SPOCK3: variants seen among roughly 807,000 people sequenced by gnomAD.
SPOCK3 encodes the protein testican-3.
Under a neutral mutation model 56.6 loss-of-function variants are expected in SPOCK3, and 30 were observed. The ratio of observed to expected loss-of-function variants is 0.53; its 90% CI spans 0.40 to 0.72. SPOCK3 has a LOEUF of 0.72. Among genes scored for constraint, SPOCK3 ranks in the 30% least tolerant of loss-of-function variants. SPOCK3 has a pLI of 0.00. For missense variants in SPOCK3, 527 were observed against 530.0 expected, an observed-to-expected ratio of 0.99 and a Z score of 0.06; for synonymous variants, 196 against 183.3, an observed-to-expected ratio of 1.07 and a Z score of -0.56.
intron 4 of SPOCK3, among the ~76,000 whole-genome samples, chr4:166,930,927 A>G (rs1739669204): frequency 6.6e-6 from 1 of 152,138 alleles, no homozygotes; most frequent in South Asian, 2.1e-4. Flanking sequence ...GGGCTATTTT[A>G]GGGGTTTCAT....
rs1744478706 is a variant in SPOCK3 at position 166,964,418 on chromosome 4, T to A, written c.350+35931A>T. On this transcript the variant is annotated intron_variant, in intron 4 of 10. Coordinates refer to ENST00000357545, the MANE Select transcript of SPOCK3 (RefSeq NM_001040159.2). The stretch of plus-strand genomic sequence containing the variant: ...AAGTCTCAACCATATTGTTATTGAT[T>A]TATATGAAATATTTTCTAGGTCCTT... Among the ~76,000 whole-genome samples the A allele has an allele frequency of 2.0e-5, 3 of 151,788 alleles. No homozygotes were observed. In the South Asian group the frequency reaches 6.2e-4, roughly 31 times the overall value.
At chr4:166,887,860 G>GA (rs71604450) in intron 6 of SPOCK3, among the ~76,000 whole-genome samples, 81,380 of 139,920 alleles carry the variant, frequency 0.58, 23,303 homozygotes, top group South Asian at 0.67. Context: ...ATAACTTATG[G>GA]AAAAAAAAAA....
At chr4:166,849,039 T>C (rs1462972182) in intron 6 of SPOCK3, among the ~76,000 whole-genome samples, 1 of 152,128 alleles carries the variant, frequency 6.6e-6, no homozygotes, top group Non-Finnish European at 1.5e-5. Context: ...TTGTTGTTTT[T>C]TAATTTCACA....
intron 3 of SPOCK3, among the ~76,000 whole-genome samples, chr4:167,033,128 T>C (rs1286187670): frequency 3.3e-5 from 5 of 151,906 alleles, no homozygotes; most frequent in Non-Finnish European, 7.4e-5. Flanking sequence ...ATCATCATTA[T>C]CATAAACATT....
chr4:166,885,017 A>C (rs1020570727), intron 6 of SPOCK3, among the ~76,000 whole-genome samples: 2 of 152,122 alleles, frequency 1.3e-5, no homozygotes, highest in Non-Finnish European at 2.9e-5. Flanking sequence ...ATTTTTAAAA[A>C]TGCAGATGAG....
At chr4:167,204,938 C>T (rs1733884794) in intron 2 of SPOCK3, among the ~76,000 whole-genome samples, 1 of 149,384 alleles carries the variant, frequency 6.7e-6, no homozygotes. Context: ...CAATCCTCCT[C>T]CCTCAGCCTC....
At chr4:167,072,763 C>T (rs925406752) in intron 2 of SPOCK3, among the ~76,000 whole-genome samples, 48 of 151,698 alleles carry the variant, frequency 3.2e-4, no homozygotes, top group African/African-American at 7.7e-4. Context: ...AAAGTAATCA[C>T]GATATGTATT....
chr4:167,100,395 GTCTGTC>G (rs919819015), intron 2 of SPOCK3, among the ~76,000 whole-genome samples: 58 of 150,058 alleles, frequency 3.9e-4, no homozygotes, highest in Non-Finnish European at 6.7e-4. Context: ...TCCTTTCTGT[GTCTGTC>G]TCTGTCTCTC....
intron 2 of SPOCK3, among the ~76,000 whole-genome samples, chr4:167,150,884 C>T (rs1277288373): frequency 6.6e-6 from 1 of 152,090 alleles, no homozygotes; most frequent in Non-Finnish European, 1.5e-5. Context: ...AGAGAGTCAC[C>T]AATATGAATG....
intron 6 of SPOCK3, among the ~76,000 whole-genome samples, chr4:166,860,502 G>A (rs548593843): frequency 8.5e-5 from 13 of 152,060 alleles, no homozygotes; most frequent in African/African-American, 3.1e-4. Flanking sequence ...TATTATAAAT[G>A]TTTAAGTGCT....
At chr4:166,926,931 T>C (rs1222025459) in intron 4 of SPOCK3, among the ~76,000 whole-genome samples, 1 of 152,032 alleles carries the variant, frequency 6.6e-6, no homozygotes, top group Non-Finnish European at 1.5e-5. Context: ...AGAGAAAAAA[T>C]TCAGAATGAC....
intron 2 of SPOCK3, among the ~76,000 whole-genome samples, chr4:167,204,859 C>T (rs1211789382): frequency 1.3e-5 from 2 of 151,266 alleles, no homozygotes. Flanking sequence ...GGGTCTTGCT[C>T]TGTCACCCCA....
intron 4 of SPOCK3, among the ~76,000 whole-genome samples, chr4:166,914,768 T>C (rs996592340): frequency 3.3e-5 from 5 of 152,024 alleles, no homozygotes; most frequent in African/African-American, 9.7e-5. Context: ...TCTCAAAAAA[T>C]AAAATAAAAT....
intron 4 of SPOCK3, among the ~76,000 whole-genome samples, chr4:166,976,082 T>C (rs1745911967): frequency 1.3e-5 from 2 of 151,832 alleles, no homozygotes; most frequent in Admixed American, 1.3e-4. Context: ...TGAGGGTCTA[T>C]TCAACCCCTA....
chr4:167,186,419 G>A (rs1731962731), intron 2 of SPOCK3, among the ~76,000 whole-genome samples: 1 of 152,096 alleles, frequency 6.6e-6, no homozygotes, highest in Admixed American at 6.6e-5. Flanking sequence ...ACGAGGTCAG[G>A]AATTTGAGAC....
chr4:166,798,871 A>T (rs1742248401), intron 6 of SPOCK3, among the ~76,000 whole-genome samples: 1 of 152,192 alleles, frequency 6.6e-6, no homozygotes, highest in Non-Finnish European at 1.5e-5. Context: ...TCCAAAAATC[A>T]GATTGTGTAA....
intron 4 of SPOCK3, among the ~76,000 whole-genome samples, chr4:166,916,461 G>A (rs991694097): frequency 1.3e-5 from 2 of 151,980 alleles, no homozygotes; most frequent in Admixed American, 6.6e-5. Flanking sequence ...AAGCTCAACA[G>A]TCTCATTTTC....
chr4:166,925,961 T>G (rs1334738088), intron 4 of SPOCK3, among the ~76,000 whole-genome samples: 1 of 152,194 alleles, frequency 6.6e-6, no homozygotes, highest in African/African-American at 2.4e-5. Flanking sequence ...AATATATCTA[T>G]GTCCCACTAG....
intron 7 of SPOCK3, among the ~76,000 whole-genome samples, chr4:166,782,383 C>T (rs1413306380): frequency 1.3e-5 from 2 of 152,082 alleles, no homozygotes; most frequent in Non-Finnish European, 2.9e-5. Flanking sequence ...CTGAAAACAT[C>T]AACGCTGTTC....
Sources: allele counts gnomAD v4.1 joint callset (sites outside exome capture counted in the v4.1 genomes callset), GRCh38; gene constraint gnomAD v4.1.1; transcripts MANE v1.5; gene names NCBI Gene and HGNC (gene_info 2026-07-23, HGNC 2026-07-21).